HCRT: variants seen among roughly 807,000 people sequenced by gnomAD.
HCRT encodes hypocretin neuropeptide precursor, also known as hypocretin (orexin) neuropeptide.
Under a neutral mutation model 5.7 loss-of-function variants are expected in HCRT, and 5 were observed. The ratio of observed to expected loss-of-function variants is 0.87; its 90% CI spans 0.45 to 1.83. HCRT has a LOEUF of 1.83. HCRT is among the 40% of genes most tolerant of loss of function. HCRT has a pLI of 0.02. For synonymous variants in HCRT, 114 were observed against 99.0 expected (o/e 1.15, Z -0.90); for missense variants, 207 against 191.8 (o/e 1.08, Z -0.47).
rs1259585102 is a variant in HCRT at position 42,184,527 on chromosome 17, A to T, written c.23T>A (p.Val8Asp). The T allele has an allele frequency of 6.5e-7, 1 of 1,530,728 alleles. No individual in the cohort carries two copies. Among genetic ancestry groups the T allele is most frequent in the Non-Finnish European group, 8.7e-7 (1 of 1,144,606 alleles). 94.8% of individuals were successfully genotyped at this position (1,530,728 alleles called of 1,614,324 possible). MNLPSTKVSWAAVTLLLL... is the reference protein window; with the variant it reads MNLPSTKDSWAAVTLLLL... ...CAGTAGCGTCACGGCGGCCCAGGAG[A>T]CCTAGGGAGACGGAGACAGGGCGCT... Residue 8 changes from valine (V) to aspartate (D), a missense_variant and splice_region_variant, in exon 2 of 2, where the codon GTC becomes GAC. Physicochemically the swap from Val to Asp is radical, Grantham distance 152. Coordinates refer to ENST00000293330, the MANE Select transcript of HCRT (RefSeq NM_001524.1).
At chr17:42,184,739 G>A (rs1252476330) in intron 1 of HCRT, among the ~76,000 whole-genome samples, 1 of 152,186 alleles carries the variant, frequency 6.6e-6, no homozygotes, top group Admixed American at 6.5e-5. Flanking sequence ...TCTCCCCCAG[G>A]AAGCCTTTTG....
At chr17:42,185,104 G>A (rs2079926442) in intron 1 of HCRT, among the ~76,000 whole-genome samples, 1 of 152,230 alleles carries the variant, frequency 6.6e-6, no homozygotes, top group African/African-American at 2.4e-5. Flanking sequence ...AGGCTGTTGG[G>A]AGGATGACAA....
At chr17:42,184,572 G>A (rs1337020305) in intron 1 of HCRT, 44 bp from the exon 2 acceptor site, 4 of 1,461,874 alleles carry the variant, frequency 2.7e-6, no homozygotes, top group Non-Finnish European at 3.6e-6. Flanking sequence ...TTCCCACGGC[G>A]CCCGCCACCA....
chr17:42,184,198 G>A lies in HCRT; in HGVS notation c.352C>T (p.Pro118Ser). ...RPCLGRRCSA[P>S]AAASVAPGGQ... ...CCGGGCGCGACGGAGGCGGCGGCCG[G>A]GGCGGAACAGCGGCGCCCGAGGCAG... Residue 118 changes from proline (P) to serine (S), a missense_variant, in exon 2 of 2, where the codon CCG (proline) becomes TCG (serine). By Grantham distance (74) the Pro-to-Ser change is moderately conservative. Coordinates refer to ENST00000293330, the MANE Select transcript of HCRT (RefSeq NM_001524.1). The A allele has an allele frequency of 3.1e-6, 4 of 1,288,518 alleles. No individual in the cohort carries two copies. Among genetic ancestry groups the A allele is most frequent in the Non-Finnish European group, 3.9e-6 (4 of 1,020,066 alleles). The allele number at this position is 1,288,518 out of a possible 1,614,324, so 79.8% of individuals were successfully genotyped here. A position where few individuals can be genotyped will look rare whatever the true frequency, so the allele number is the denominator to read the frequency against.
At position 42,184,651 on chromosome 17, in the gene HCRT, C is replaced by G. The variant is rs910305681; in HGVS notation, c.22-123G>C. On this transcript the variant is annotated intron_variant, in intron 1 of 1. Transcript: ENST00000293330. ...CAAGCCTGCACTCCTTTCTGGCTGT[C>G]ACTTAGTTCTCCTTGCTTTGCGCCC... 25 of 1,351,254 alleles carry G rather than the reference C, an allele frequency of 1.9e-5. No individual in the cohort carries two copies. The African/African-American group carries it at 3.3e-4, about 18-fold the overall frequency. The allele number at this position is 1,351,254 out of a possible 1,614,324, so 83.7% of individuals were successfully genotyped here.
chr17:42,184,293 G>A lies in HCRT; in HGVS notation c.257C>T (p.Ala86Val). 2 of 1,500,356 alleles carry A rather than the reference G, an allele frequency of 1.3e-6. No homozygotes were observed. The highest frequency in any genetic ancestry group is 2.7e-5 in the East Asian group (1 of 36,958). 92.9% of individuals were successfully genotyped at this position (1,500,356 alleles called of 1,614,324 possible). A position where few individuals can be genotyped will look rare whatever the true frequency, so the allele number is the denominator to read the frequency against. ...LQGRLQRLLQASGNHAAGILT... is the reference protein window; with the variant it reads ...LQGRLQRLLQVSGNHAAGILT... ...GATGCCCGCGGCGTGGTTGCCGCTG[G>A]CCTGCAGGAGGCGCTGCAGCCGACC... Residue 86 changes from alanine to valine, a missense_variant, in exon 2 of 2, where the codon GCC becomes GTC. Transcript: ENST00000293330.
chr17:42,184,516 C>G lies in HCRT; in HGVS notation c.34G>C (p.Ala12Pro). Residue 12 changes from alanine to proline, a missense_variant, in exon 2 of 2, where the codon GCC (alanine) becomes CCC (proline). By Grantham distance (27) the Ala-to-Pro change is conservative. Transcript: ENST00000293330. ...AGCAGCAGCAGCAGTAGCGTCACGG[C>G]GGCCCAGGAGACCTAGGGAGACGGA... ...NLPSTKVSWA[A>P]VTLLLLLLLL... 2 of 1,550,356 alleles carry G rather than the reference C, an allele frequency of 1.3e-6. No individual in the cohort carries two copies. Among genetic ancestry groups the G allele is most frequent in the Non-Finnish European group, 1.7e-6 (2 of 1,155,302 alleles).
rs1446524753 is a variant in HCRT at position 42,184,126 on chromosome 17, T to TGGGCCAGGACAGGGCCC, written c.*11_*27dup. 128 of 1,266,916 alleles carry TGGGCCAGGACAGGGCCC rather than the reference T, an allele frequency of 1.0e-4. No homozygotes were observed. The African/African-American group carries it at 2.0e-3, about 19-fold the overall frequency. The allele number at this position is 1,266,916 out of a possible 1,614,324, so 78.5% of individuals were successfully genotyped here. A position where few individuals can be genotyped will look rare whatever the true frequency, so the allele number is the denominator to read the frequency against. ...GCTGGGTGGGCAGAGGGCAGAGGCC[T>TGGGCCAGGACAGGGCCC]GGGCCAGGACAGGGCCCGAAGAACG... On this transcript the variant is annotated 3_prime_UTR_variant, in exon 2 of 2. Coordinates refer to ENST00000293330, the MANE Select transcript of HCRT (RefSeq NM_001524.1).
rs780877292 is a variant in HCRT, at chr17:42,184,457, C to CCT, written c.92_93insAG (p.Ala32GlyfsTer65). Reference sequence around the variant, plus strand: ...AGCAGTCGGGCAGGGGCTGTGCAGCCGCCCCGGACGACAACAGCGCGGGCG... The same window carrying CCT: ...AGCAGTCGGGCAGGGGCTGTGCAGCCCTGCCCCGGACGACAACAGCGCGGGCG... On this transcript the variant is annotated frameshift_variant, in exon 2 of 2. Transcript: ENST00000293330. LOFTEE classifies it high-confidence loss of function. 3 of 1,592,962 alleles carry CCT rather than the reference C, an allele frequency of 1.9e-6. No homozygotes were observed. The African/African-American group carries it at 4.0e-5, about 21-fold the overall frequency.
chr17:42,184,604 C>G, intron 1 of HCRT, 76 bp from the exon 2 acceptor site: 2 of 1,440,796 alleles, frequency 1.4e-6, no homozygotes, highest in African/African-American at 2.9e-5. Context: ...CAGGACCTGC[C>G]CCTCTGGCTC....
chr17:42,184,307 C>G lies in HCRT; in HGVS notation c.243G>C (p.Gln81His). The G allele has an allele frequency of 1.3e-6, 2 of 1,524,276 alleles. No individual in the cohort carries two copies. Among genetic ancestry groups the G allele is most frequent in the East Asian group, 2.6e-5 (1 of 38,950 alleles). The allele number at this position is 1,524,276 out of a possible 1,614,324, so 94.4% of individuals were successfully genotyped here. ...GGTTGCCGCTGGCCTGCAGGAGGCG[C>G]TGCAGCCGACCCTGGAGGCCCGGGG... Reference protein sequence around the residue: ...SGPPGLQGRLQRLLQASGNHA... With the variant: ...SGPPGLQGRLHRLLQASGNHA... The change falls in exon 2 of 2, where the codon CAG (glutamine) becomes CAC (histidine). Residue 81 changes from glutamine to histidine, a missense_variant. Gln to His is a conservative substitution (Grantham distance 24). Coordinates refer to ENST00000293330, the MANE Select transcript of HCRT (RefSeq NM_001524.1).
rs1312506887 is a variant in HCRT, at chr17:42,184,439, G to T, written c.111C>A (p.Pro37=). Residue 37 remains proline (P), a synonymous_variant, in exon 2 of 2, where the codon CCC becomes CCA. Transcript: ENST00000293330. ...LSSGAAAQPL[P]DCCRQKTCSC... Reference sequence around the variant, plus strand: ...AGCAAGTCTTTTGACGACAGCAGTCGGGCAGGGGCTGTGCAGCCGCCCCGG... The same window carrying T: ...AGCAAGTCTTTTGACGACAGCAGTCTGGCAGGGGCTGTGCAGCCGCCCCGG... 3.1e-6 allele frequency: 5 copies of T among 1,597,932 alleles called. No homozygotes were observed. Among genetic ancestry groups the T allele is most frequent in the African/African-American group, 2.7e-5 (2 of 74,642 alleles).
At position 42,184,266 on chromosome 17, in the gene HCRT, A is replaced by G. The variant is rs751706776; in HGVS notation, c.284T>C (p.Leu95Pro). 9.2e-6 allele frequency: 13 copies of G among 1,417,690 alleles called. No individual in the cohort carries two copies. In the South Asian group the frequency reaches 1.3e-4, roughly 14 times the overall value. The allele number at this position is 1,417,690 out of a possible 1,614,324, so 87.8% of individuals were successfully genotyped here. Residue 95 changes from leucine (L) to proline (P), a missense_variant, in exon 2 of 2, where the codon CTG becomes CCG. Leu to Pro is a moderately conservative substitution (Grantham distance 98). Coordinates refer to ENST00000293330, the MANE Select transcript of HCRT (RefSeq NM_001524.1). The stretch of plus-strand genomic sequence containing the variant: ...TGCGCCTGCGCGGCGGCCCATGGTC[A>G]GGATGCCCGCGGCGTGGTTGCCGCT... ...QASGNHAAGI[L>P]TMGRRAGAEP...
chr17:42,184,499 C>T lies in HCRT; in HGVS notation c.51G>A (p.Leu17=), dbSNP rs1194642304. The T allele has an allele frequency of 1.9e-6, 3 of 1,568,906 alleles. No individual in the cohort carries two copies. Among genetic ancestry groups the T allele is most frequent in the Non-Finnish European group, 2.6e-6 (3 of 1,164,306 alleles). The part of the protein sequence containing the change: ...KVSWAAVTLL[L]LLLLLPPALL... ...GCGCGGGCGGCAGCAGCAGCAGCAG[C>T]AGCAGTAGCGTCACGGCGGCCCAGG... Residue 17 remains leucine (L), a synonymous_variant, in exon 2 of 2, where the codon CTG becomes CTA. Coordinates refer to ENST00000293330, the MANE Select transcript of HCRT (RefSeq NM_001524.1).
At position 42,184,481 on chromosome 17, in the gene HCRT, C is replaced by A; in HGVS notation, c.69G>T (p.Pro23=). Residue 23 remains proline, a synonymous_variant, in exon 2 of 2, where the codon CCG becomes CCT. Transcript: ENST00000293330. ...VTLLLLLLLL[P]PALLSSGAAA... The stretch of plus-strand genomic sequence containing the variant: ...CCGCCCCGGACGACAACAGCGCGGG[C>A]GGCAGCAGCAGCAGCAGCAGCAGTA... 6.3e-7 allele frequency: 1 copy of A among 1,583,290 alleles called. No individual in the cohort carries two copies. The highest frequency in any genetic ancestry group is 1.3e-5 in the African/African-American group (1 of 74,336).
chr17:42,185,248 A>C, intron 1 of HCRT, 97 bp downstream of exon 1: 1 of 1,157,658 alleles, frequency 8.6e-7, no homozygotes, highest in Non-Finnish European at 1.3e-6. Context: ...AAAGACCAAG[A>C]GTGGAGACAC....
Position 42,184,284 on chromosome 17 carries a change from T to C in HCRT, c.266A>G (p.Asn89Ser), listed in dbSNP as rs1337296682. ...RLQRLLQASG[N>S]HAAGILTMGR... ...CATGGTCAGGATGCCCGCGGCGTGGTTGCCGCTGGCCTGCAGGAGGCGCTG... is the reference window on the plus strand; with the variant it reads ...CATGGTCAGGATGCCCGCGGCGTGGCTGCCGCTGGCCTGCAGGAGGCGCTG... The change falls in exon 2 of 2, where the codon AAC (asparagine) becomes AGC (serine). Residue 89 changes from asparagine to serine, a missense_variant. Physicochemically the swap from Asn to Ser is conservative, Grantham distance 46. Coordinates refer to ENST00000293330, the MANE Select transcript of HCRT (RefSeq NM_001524.1). 14 of 1,452,784 alleles carry C rather than the reference T, an allele frequency of 9.6e-6. No homozygotes were observed. Among genetic ancestry groups the C allele is most frequent in the East Asian group, 2.9e-5 (1 of 34,456 alleles). 90.0% of individuals were successfully genotyped at this position (1,452,784 alleles called of 1,614,324 possible).
Position 42,184,353 on chromosome 17 carries a change from A to G in HCRT, c.197T>C (p.Leu66Pro), listed in dbSNP as rs1567646113. The G allele has an allele frequency of 6.3e-7, 1 of 1,587,188 alleles. No individual in the cohort carries two copies. Among genetic ancestry groups the G allele is most frequent in the Non-Finnish European group, 8.5e-7 (1 of 1,172,016 alleles). ...CGGGGGCCCGGACCTCCGCTTGCCC[A>G]GCGTGAGGATGCCGGCCGCGTGATT... is the stretch of plus-strand genomic sequence containing the variant. ...AGNHAAGILTLGKRRSGPPGL... is the reference protein window; with the variant it reads ...AGNHAAGILTPGKRRSGPPGL... The change falls in exon 2 of 2, where the codon CTG (leucine) becomes CCG (proline). Residue 66 changes from leucine to proline, a missense_variant. Coordinates refer to ENST00000293330, the MANE Select transcript of HCRT (RefSeq NM_001524.1).
In HCRT at chr17:42,184,328, CG is replaced by C. The variant is rs746600850; in HGVS notation, c.221del (p.Pro74ArgfsTer22). 9 of 1,555,240 alleles carry C rather than the reference CG, an allele frequency of 5.8e-6. No individual in the cohort carries two copies. The highest frequency in any genetic ancestry group is 1.9e-5 in the Admixed American group (1 of 53,970). ...LTLGKRRSGPPGLQGRLQRLL... is the reference protein window; with the variant it reads ...LTLGKRRSGPXGLQGRLQRLL... ...GGCGCTGCAGCCGACCCTGGAGGCC[CG>C]GGGGCCCGGACCTCCGCTTGCCCAG... On this transcript the variant is annotated frameshift_variant, in exon 2 of 2. Transcript: ENST00000293330. LOFTEE classifies it high-confidence loss of function.
Sources: gnomAD v4.1 joint callset for allele counts (sites outside exome capture counted in the v4.1 genomes callset) on GRCh38, gnomAD v4.1.1 for gene constraint, MANE v1.5 for transcripts, NCBI Gene and HGNC (gene_info 2026-07-23, HGNC 2026-07-21) for gene names.